Variants in CLCN6 observed in about 807,000 individuals in gnomAD.
CLCN6 encodes Cl-/H+ antiporter 6.
In CLCN6, 70 loss-of-function variants were observed where a neutral mutation model predicts 109.8. That is an observed-to-expected ratio of 0.64 (90% CI 0.53 to 0.78). CLCN6 has a LOEUF of 0.78. Among genes scored for constraint, CLCN6 ranks in the 30% least tolerant of loss-of-function variants. The pLI, the probability that CLCN6 is intolerant of heterozygous loss-of-function variation, is 0.00. For missense variants in CLCN6, 984 were observed against 1,142.3 expected (o/e 0.86, Z 2.00); for synonymous variants, 444 against 447.8 (o/e 0.99, Z 0.11).
At position 11,834,846 on chromosome 1, in the gene CLCN6, TG is replaced by T. The variant is rs1403407129; in HGVS notation, c.1793+258del. On this transcript the variant is annotated intron_variant, in intron 17 of 22. Transcript: ENST00000346436. The surrounding 1 kb of genome is among the most constrained non-coding windows in gnomAD (Gnocchi z 4.5). ...TGGTGGTTTGACTCCCATGGCATTC[TG>T]GTTAGATATGAGGTGAGGTCTCTGG... Among the ~76,000 whole-genome samples, 1 of 152,200 alleles carries T rather than the reference TG, an allele frequency of 6.6e-6. No individual in the cohort carries two copies. The highest frequency in any genetic ancestry group is 1.5e-5 in the Non-Finnish European group (1 of 68,034).
At chr1:11,808,202 T>C (rs1557776227) in intron 2 of CLCN6, among the ~76,000 whole-genome samples, 1 of 150,024 alleles carries the variant, frequency 6.7e-6, no homozygotes, top group Non-Finnish European at 1.5e-5. Context: ...CATATTATTA[T>C]TTTTTATTGT....
At position 11,828,473 on chromosome 1, in the gene CLCN6, A is replaced by G; in HGVS notation, c.970A>G (p.Lys324Glu). Residue 324 changes from lysine to glutamate, a missense_variant, in exon 12 of 23, where the codon AAA becomes GAA. Physicochemically the swap from Lys to Glu is moderately conservative, Grantham distance 56 (BLOSUM62 1). Transcript: ENST00000346436. ...CTTCTCTCAGTGCTCTGACTCTGAT[A>G]AAAAATGTCATCTCTGGACAGCTAT... Reference protein sequence around the residue: ...FGEFKCSDSDKKCHLWTAMDL... With the variant: ...FGEFKCSDSDEKCHLWTAMDL... The G allele has an allele frequency of 5.0e-6, 8 of 1,614,094 alleles. No homozygotes were observed. Among genetic ancestry groups the G allele is most frequent in the Non-Finnish European group, 6.8e-6 (8 of 1,180,008 alleles).
chr1:11,839,124 C>T (rs1644988441), intron 22 of CLCN6: 5 of 585,306 alleles, frequency 8.5e-6, no homozygotes, highest in Admixed American at 6.2e-5. Context: ...TTTCTTATTA[C>T]ACAAATATGA....
In CLCN6 at chr1:11,842,315, TAGAC is replaced by T. The variant is rs1645035040; in HGVS notation, c.*2095_*2098del. On this transcript the variant is annotated 3_prime_UTR_variant, in exon 23 of 23. Transcript: ENST00000346436. The stretch of plus-strand genomic sequence containing the variant: ...TGTTCCCATCAGTTTAGCCCAGAGA[TAGAC>T]AGTAGAATGCAAATACCTCCCTCCC... The T allele has an allele frequency of 1.3e-5, 2 of 152,664 alleles. No individual in the cohort carries two copies. The highest frequency in any genetic ancestry group is 6.5e-5 in the Admixed American group (1 of 15,282). 9.5% of individuals were successfully genotyped at this position (152,664 alleles called of 1,614,324 possible).
chr1:11,816,449 A>G (rs2100616011), intron 3 of CLCN6, among the ~76,000 whole-genome samples, 166 bp from the exon 4 acceptor site: 1 of 152,364 alleles, frequency 6.6e-6, no homozygotes, highest in Non-Finnish European at 1.5e-5. Context: ...CAGCCTCTTA[A>G]GAGTCCATCA....
intron 13 of CLCN6, among the ~76,000 whole-genome samples, chr1:11,831,061 G>C (rs993285586): frequency 3.3e-5 from 5 of 151,900 alleles, no homozygotes; most frequent in Non-Finnish European, 7.4e-5. Flanking sequence ...TCGAACTCCT[G>C]ACCTCAAGTG....
rs1236642008 is a variant in CLCN6 at position 11,822,729 on chromosome 1, T to A, written c.381T>A (p.Ala127=). ...AGTGCAGCCAGAAAGGCTGCCTCGC[T>A]CTGTCTCTCCTTGAACTCCTGGGTT... ...VEECSQKGCL[A]LSLLELLGFN... is the part of the protein sequence containing the mutation. The change falls in exon 6 of 23, where the codon GCT becomes GCA. Residue 127 remains alanine, a synonymous_variant. Coordinates refer to ENST00000346436, the MANE Select transcript of CLCN6 (RefSeq NM_001286.5). 2.5e-6 allele frequency: 4 copies of A among 1,614,110 alleles called. No homozygotes were observed. In the African/African-American group the frequency reaches 5.3e-5, roughly 22 times the overall value.
intron 4 of CLCN6, 145 bp downstream of exon 4, chr1:11,816,825 G>C (rs1644679359): frequency 1.9e-6 from 1 of 527,366 alleles, no homozygotes; most frequent in Non-Finnish European, 3.2e-6. Context: ...TTATAATCAA[G>C]AGTGCCTTTT....
At chr1:11,807,484 G>C (rs1299182020) in intron 2 of CLCN6, among the ~76,000 whole-genome samples, 19 of 152,214 alleles carry the variant, frequency 1.2e-4, no homozygotes, top group Admixed American at 1.2e-3. Flanking sequence ...GAGACTTAGA[G>C]TGAAAGGCAC....
At chr1:11,809,944 AAG>A (rs765104997) in intron 2 of CLCN6, among the ~76,000 whole-genome samples, 1 of 152,198 alleles carries the variant, frequency 6.6e-6, no homozygotes, top group Non-Finnish European at 1.5e-5. Flanking sequence ...AAGTATAATA[AAG>A]AGGGGAGTGA....
intron 17 of CLCN6, 55 bp from the exon 18 acceptor site, chr1:11,835,912 C>T: frequency 6.5e-7 from 1 of 1,548,394 alleles, no homozygotes; most frequent in Non-Finnish European, 8.8e-7. Context: ...ACAGCTTGCT[C>T]CCAGGGGCCT....
rs539368591 is a variant in CLCN6 at position 11,827,069 on chromosome 1, C to G, written c.708-20C>G. On this transcript the variant is annotated intron_variant, in intron 9 of 22. Coordinates refer to ENST00000346436, the MANE Select transcript of CLCN6 (RefSeq NM_001286.5). Reference sequence around the variant, plus strand: ...GCTGGGGGCTCTTTATTGGATAACCCGTCTCTCTCCTCTCCTCAGAGACAA... The same window carrying G: ...GCTGGGGGCTCTTTATTGGATAACCGGTCTCTCTCCTCTCCTCAGAGACAA... 1 of 1,611,702 alleles carries G rather than the reference C, an allele frequency of 6.2e-7. No individual in the cohort carries two copies. Among genetic ancestry groups the G allele is most frequent in the Non-Finnish European group, 8.5e-7 (1 of 1,179,116 alleles).
chr1:11,816,587 C>G (rs1366972961), intron 3 of CLCN6, 28 bp from the exon 4 acceptor site: 1 of 1,603,844 alleles, frequency 6.2e-7, no homozygotes, highest in Non-Finnish European at 8.5e-7. Context: ...ACCCTGTAAA[C>G]TGAATCATTC....
rs4846058 is a variant in CLCN6 at position 11,829,097 on chromosome 1, T to C, written c.1122-99T>C. 7.1e-4 allele frequency: 1,003 copies of C among 1,417,790 alleles called. 15 individuals are homozygous for C. In the East Asian group the frequency reaches 0.018, roughly 25 times the overall value. 87.8% of individuals were successfully genotyped at this position (1,417,790 alleles called of 1,614,324 possible). The stretch of plus-strand genomic sequence containing the variant: ...ACCAGGGGCTGCTGTGAATGCTGTT[T>C]GGAGAAATCGGGGCTGGGGGTAGGC... On this transcript the variant is annotated intron_variant, in intron 12 of 22. Transcript: ENST00000346436.
intron 18 of CLCN6, among the ~76,000 whole-genome samples, 185 bp from the exon 19 acceptor site, chr1:11,836,814 C>T (rs1358061726): frequency 6.6e-6 from 1 of 152,198 alleles, no homozygotes; most frequent in African/African-American, 2.4e-5. Flanking sequence ...GAAGCTGCAG[C>T]CAGGTCCTAG....
chr1:11,806,692 C>T, intron 1 of CLCN6: 1 of 362,886 alleles, frequency 2.8e-6, no homozygotes, highest in Non-Finnish European at 5.0e-6. Flanking sequence ...GCTGTTTTAG[C>T]TTCTCCAGTC....
chr1:11,830,113 A>AT (rs1644861621), intron 13 of CLCN6: 1 of 151,870 alleles, frequency 6.6e-6, no homozygotes, highest in Admixed American at 6.6e-5. Flanking sequence ...GGGGCGCGAT[A>AT]TTTTCCAGAG....
Position 11,834,541 on chromosome 1 carries a change from C to A in CLCN6, c.1744C>A (p.Leu582Met). ...GGGCATTTATGATATCCACGTGGGC[C>A]TGCGAGGCGTGCCGCTTCTGGAATG... ...NKGIYDIHVGLRGVPLLEWET... is the reference protein window; with the variant it reads ...NKGIYDIHVGMRGVPLLEWET... Residue 582 changes from leucine to methionine, a missense_variant, in exon 17 of 23, where the codon CTG becomes ATG. Physicochemically the swap from Leu to Met is conservative, Grantham distance 15. Transcript: ENST00000346436. The surrounding 1 kb of genome is among the most constrained non-coding windows in gnomAD (Gnocchi z 4.5). 1 of 1,614,144 alleles carries A rather than the reference C, an allele frequency of 6.2e-7. No homozygotes were observed. The highest frequency in any genetic ancestry group is 8.5e-7 in the Non-Finnish European group (1 of 1,180,030).
Position 11,819,766 on chromosome 1 carries a change from A to G in CLCN6, c.346+212A>G, listed in dbSNP as rs56218293. Among the ~76,000 whole-genome samples the G allele has an allele frequency of 0.039, 5,952 of 152,312 alleles. 346 individuals are homozygous for G. Among genetic ancestry groups the G allele is most frequent in the African/African-American group, 0.13 (5,568 of 41,532 alleles). On this transcript the variant is annotated intron_variant, in intron 5 of 22. Transcript: ENST00000346436. ...ATGTTTGTGGTTGATAAGATTACAGATGCCGCAAAGATGCCTGTACTCCCT... is the reference window on the plus strand; with the variant it reads ...ATGTTTGTGGTTGATAAGATTACAGGTGCCGCAAAGATGCCTGTACTCCCT...
Sources: gnomAD v4.1 joint callset for allele counts (sites outside exome capture counted in the v4.1 genomes callset) on GRCh38, gnomAD v4.1.1 for gene constraint, Gnocchi (gnomAD v3.1) non-coding constraint, MANE v1.5 for transcripts, NCBI Gene and HGNC (gene_info 2026-07-23, HGNC 2026-07-21) for gene names.